The following LIMCH1 variants were observed in gnomAD, a reference collection of about 807,000 sequenced individuals.
The protein encoded by LIMCH1 is LIM and calponin homology domains 1.
In LIMCH1, 113 loss-of-function variants were observed where a neutral mutation model predicts 176.5. The observed-to-expected ratio is 0.64, with a 90% CI of 0.55 to 0.75. The LOEUF (loss-of-function observed/expected upper bound fraction) is 0.75, where lower values mean the gene tolerates loss of function less well. Ranked by LOEUF, LIMCH1 falls within the 30% of genes least tolerant of loss-of-function variation. LIMCH1 has a pLI of 0.00. For synonymous variants in LIMCH1, 619 were observed against 645.9 expected (o/e 0.96, Z 0.63); for missense variants, 1,674 against 1,814.9 (o/e 0.92, Z 1.41).
At chr4:41,399,632 T>C (rs2058159062) in intron 1 of LIMCH1, among the ~76,000 whole-genome samples, 1 of 151,772 alleles carries the variant, frequency 6.6e-6, no homozygotes. Context: ...AACAGGACTT[T>C]ATATATATTA....
chr4:41,468,400 C>CCCTT (rs900915906), intron 1 of LIMCH1, among the ~76,000 whole-genome samples: 1 of 133,514 alleles, frequency 7.5e-6, no homozygotes, highest in East Asian at 2.3e-4. Context: ...CTCCCTTCCT[C>CCCTT]CCTTCCTTCC....
rs113879390 is a variant in LIMCH1, at chr4:41,592,885, G to A, written c.-240-6035G>A. ...TTTTCTAATTTGATGTCAGAACTCT[G>A]TTTATGTGTATGTTGAACAATTCCA... On this transcript the variant is annotated intron_variant, in intron 1 of 31. Transcript: ENST00000503057. Among the ~76,000 whole-genome samples the A allele has an allele frequency of 9.5e-3, 1,453 of 152,288 alleles. 13 individuals are homozygous for A. Among genetic ancestry groups the A allele is most frequent in the Middle Eastern group, 0.037 (11 of 294 alleles).
chr4:41,526,694 G>A (rs1048831904), intron 3 of LIMCH1, among the ~76,000 whole-genome samples: 2 of 152,142 alleles, frequency 1.3e-5, no homozygotes, highest in African/African-American at 4.8e-5. Context: ...CTCGTGTTCT[G>A]TCTATTGGAC....
intron 1 of LIMCH1, among the ~76,000 whole-genome samples, chr4:41,419,271 G>A (rs1391538890): frequency 1.3e-5 from 2 of 151,788 alleles, no homozygotes; most frequent in African/African-American, 4.8e-5. Flanking sequence ...TTCGCCTCCC[G>A]GGTTCCACAG....
chr4:41,581,190 G>C (rs567919181), intron 1 of LIMCH1, among the ~76,000 whole-genome samples: 3 of 151,786 alleles, frequency 2.0e-5, no homozygotes, highest in Non-Finnish European at 2.9e-5. Flanking sequence ...AGGGATAGTT[G>C]TCAAATAAAA....
chr4:41,561,197 G>A (rs2082022405), intron 1 of LIMCH1, among the ~76,000 whole-genome samples: 1 of 152,270 alleles, frequency 6.6e-6, no homozygotes, highest in African/African-American at 2.4e-5. Flanking sequence ...AAACAATACT[G>A]TGCTCACACA....
At chr4:41,453,895 T>G (rs1375119674) in intron 1 of LIMCH1, among the ~76,000 whole-genome samples, 1 of 152,182 alleles carries the variant, frequency 6.6e-6, no homozygotes, top group Admixed American at 6.5e-5. Context: ...GGGAACAGTC[T>G]TTCTTTTTCC....
intron 13 of LIMCH1, among the ~76,000 whole-genome samples, chr4:41,634,988 TAG>T (rs1303468550): frequency 6.6e-6 from 1 of 152,194 alleles, no homozygotes; most frequent in East Asian, 1.9e-4. Flanking sequence ...AGGTGAGGCC[TAG>T]AGACTGCCTA....
In LIMCH1 at chr4:41,619,419, T is replaced by C. The variant is rs777436211; in HGVS notation, c.437T>C (p.Leu146Pro). ...RKSWSTATSP[L>P]GGERPFSFPE... Reference sequence around the variant, plus strand: ...AGCTGGAGTACCGCCACCTCCCCGCTGGGTGGGGAGAGGCCCTTCAGGTAA... The same window carrying C: ...AGCTGGAGTACCGCCACCTCCCCGCCGGGTGGGGAGAGGCCCTTCAGGTAA... Residue 146 changes from leucine to proline, a missense_variant, in exon 6 of 32, where the codon CTG (leucine) becomes CCG (proline). Around this residue, in one of 3 missense-constraint regions of LIMCH1, gnomAD observed 655 missense variants for 692.2 expected, o/e 0.95. Coordinates refer to ENST00000503057, the MANE Select transcript of LIMCH1 (RefSeq NM_001330672.2). The C allele has an allele frequency of 1.3e-5, 21 of 1,610,730 alleles. No individual in the cohort carries two copies. Among genetic ancestry groups the C allele is most frequent in the Non-Finnish European group, 1.7e-5 (20 of 1,180,010 alleles).
At chr4:41,401,313 C>G (rs56281916) in intron 1 of LIMCH1, among the ~76,000 whole-genome samples, 21,071 of 152,092 alleles carry the variant, frequency 0.14, 2,152 homozygotes, top group African/African-American at 0.29. Flanking sequence ...GCTTGTTTTT[C>G]TCAGGTTTGT....
intron 1 of LIMCH1, among the ~76,000 whole-genome samples, chr4:41,384,209 T>TC (rs2056141778): frequency 6.7e-6 from 1 of 149,790 alleles, no homozygotes; most frequent in Non-Finnish European, 1.5e-5. Flanking sequence ...CATCCTGCTT[T>TC]CTTTTTTTTT....
At chr4:41,634,384 G>T (rs1260127474) in intron 13 of LIMCH1, among the ~76,000 whole-genome samples, 4 of 152,090 alleles carry the variant, frequency 2.6e-5, no homozygotes, top group Non-Finnish European at 5.9e-5. Context: ...TTAAATGTAT[G>T]GTAAGCCTAC....
chr4:41,407,864 C>T (rs565181965), intron 1 of LIMCH1, among the ~76,000 whole-genome samples: 34 of 152,292 alleles, frequency 2.2e-4, no homozygotes, highest in Non-Finnish European at 4.7e-4. Flanking sequence ...CTCTGGGCTA[C>T]TAGTGCTCTG....
chr4:41,440,961 G>C (rs1011742945), intron 1 of LIMCH1, among the ~76,000 whole-genome samples: 1 of 152,150 alleles, frequency 6.6e-6, no homozygotes, highest in Non-Finnish European at 1.5e-5. Context: ...AAGAAGTTTG[G>C]TCTTAAGTCT....
chr4:41,521,179 C>CA (rs1447179346), intron 2 of LIMCH1, among the ~76,000 whole-genome samples: 3 of 152,158 alleles, frequency 2.0e-5, no homozygotes, highest in Non-Finnish European at 4.4e-5. Flanking sequence ...TTTGATGACA[C>CA]ATACTGAGGT....
chr4:41,629,484 A>G lies in LIMCH1; in HGVS notation c.1029-8A>G. 1 of 1,535,764 alleles carries G rather than the reference A, an allele frequency of 6.5e-7. No individual in the cohort carries two copies. Among genetic ancestry groups the G allele is most frequent in the Non-Finnish European group, 8.7e-7 (1 of 1,146,758 alleles). The stretch of plus-strand genomic sequence containing the variant: ...CCATTGGTGTGGGGGCCCGGATCAA[A>G]TGGACAGAAACCAGGGCCACACAGA... On this transcript the variant is annotated splice_region_variant and splice_polypyrimidine_tract_variant and intron_variant, in intron 8 of 31. Transcript: ENST00000503057.
intron 1 of LIMCH1, among the ~76,000 whole-genome samples, chr4:41,430,976 A>G (rs900682637): frequency 2.0e-5 from 3 of 152,198 alleles, no homozygotes; most frequent in South Asian, 2.1e-4. Flanking sequence ...AATTCTGCAC[A>G]ATGCACAAGC....
intron 1 of LIMCH1, among the ~76,000 whole-genome samples, chr4:41,549,838 G>T (rs1480848404): frequency 1.3e-5 from 2 of 151,972 alleles, no homozygotes; most frequent in Non-Finnish European, 2.9e-5. Flanking sequence ...GAAACAGATA[G>T]AAATCATTCT....
At chr4:41,492,824 G>A (rs1342826534) in intron 1 of LIMCH1, among the ~76,000 whole-genome samples, 2 of 152,064 alleles carry the variant, frequency 1.3e-5, no homozygotes, top group African/African-American at 4.8e-5. Flanking sequence ...TAGGATTCTT[G>A]CATCTTCCTG....
Sources: allele counts gnomAD v4.1 joint callset (sites outside exome capture counted in the v4.1 genomes callset), GRCh38; gene constraint gnomAD v4.1.1; regional missense constraint gnomAD v4.1.1; transcripts MANE v1.5; gene names NCBI Gene and HGNC (gene_info 2026-07-23, HGNC 2026-07-21).